The following NRG1 variants were observed in gnomAD, a reference collection of about 807,000 sequenced individuals.
NRG1 encodes the protein pro-neuregulin-1, membrane-bound isoform.
Under a neutral mutation model 63.8 loss-of-function variants are expected in NRG1, and 18 were observed. The observed-to-expected ratio is 0.28, with a 90% CI of 0.19 to 0.42. NRG1 has a LOEUF of 0.42. NRG1 is among the 10% of genes least tolerant of loss of function. The pLI is 1.00. For synonymous variants in NRG1, 302 were observed against 301.3 expected (o/e 1.00, Z -0.02); for missense variants, 762 against 814.7 (o/e 0.94, Z 0.79).
chr8:31,762,245 T>C (rs528972907), intron 1 of NRG1, among the ~76,000 whole-genome samples: 1 of 152,356 alleles, frequency 6.6e-6, no homozygotes, highest in Non-Finnish European at 1.5e-5. Context: ...CCTCTCTGTG[T>C]CCATGTATTC....
At chr8:31,670,057 T>C (rs963074181) in intron 1 of NRG1, among the ~76,000 whole-genome samples, 3 of 152,218 alleles carry the variant, frequency 2.0e-5, no homozygotes, top group African/African-American at 4.8e-5. Flanking sequence ...TAGGTCTCAG[T>C]TGTAGACTTA....
chr8:32,598,834 G>C (rs900797958), intron 2 of NRG1, among the ~76,000 whole-genome samples: 1 of 152,028 alleles, frequency 6.6e-6, no homozygotes, highest in Non-Finnish European at 1.5e-5. Context: ...AAGATTAAAG[G>C]TTCCAACTGA....
chr8:32,428,378 A>T (rs1049577610), intron 1 of NRG1, among the ~76,000 whole-genome samples: 4 of 151,996 alleles, frequency 2.6e-5, no homozygotes, highest in African/African-American at 9.7e-5. Context: ...TCCTCTTTAA[A>T]ACATCAGCCT....
chr8:31,970,892 CA>C (rs1418147976), intron 1 of NRG1, among the ~76,000 whole-genome samples: 3 of 152,018 alleles, frequency 2.0e-5, no homozygotes, highest in Non-Finnish European at 2.9e-5. Flanking sequence ...ACACCCATAT[CA>C]AAACAACTTG....
intron 1 of NRG1, among the ~76,000 whole-genome samples, chr8:31,772,551 G>T (rs1411254124): frequency 6.6e-6 from 1 of 151,944 alleles, no homozygotes; most frequent in Non-Finnish European, 1.5e-5. Flanking sequence ...AAATTGCCTT[G>T]GTCTTCTAGG....
At chr8:32,306,918 T>C (rs554616841) in intron 1 of NRG1, among the ~76,000 whole-genome samples, 1 of 152,324 alleles carries the variant, frequency 6.6e-6, no homozygotes, top group South Asian at 2.1e-4. Flanking sequence ...TTTTACAACT[T>C]AAATTTAATT....
chr8:32,334,762 T>A (rs1803051433), intron 1 of NRG1, among the ~76,000 whole-genome samples: 1 of 152,254 alleles, frequency 6.6e-6, no homozygotes, highest in Admixed American at 6.5e-5. Context: ...TTATTAATGT[T>A]TTGATACTGT....
At chr8:32,013,277 A>G (rs750310159) in intron 1 of NRG1, among the ~76,000 whole-genome samples, 2 of 152,026 alleles carry the variant, frequency 1.3e-5, no homozygotes, top group Non-Finnish European at 2.9e-5. Context: ...AAGAAATTTT[A>G]AATTAGTAAA....
At chr8:32,065,693 A>G (rs984209695) in intron 1 of NRG1, among the ~76,000 whole-genome samples, 3 of 152,154 alleles carry the variant, frequency 2.0e-5, no homozygotes, top group African/African-American at 7.2e-5. Flanking sequence ...TCCTTTGGGT[A>G]TATACCCAGT....
intron 1 of NRG1, among the ~76,000 whole-genome samples, chr8:31,999,542 G>A (rs1045968839): frequency 2.6e-5 from 4 of 151,820 alleles, no homozygotes; most frequent in African/African-American, 9.7e-5. Flanking sequence ...TAGACAGGAG[G>A]GATTGTGGCC....
intron 1 of NRG1, among the ~76,000 whole-genome samples, chr8:32,582,946 G>T (rs570389011): frequency 6.6e-6 from 1 of 152,060 alleles, no homozygotes; most frequent in Non-Finnish European, 1.5e-5. Context: ...GGCCTTCCTG[G>T]TGTCAGTCTG....
chr8:32,129,144 G>A (rs1834475980), intron 1 of NRG1, among the ~76,000 whole-genome samples: 1 of 151,898 alleles, frequency 6.6e-6, no homozygotes, highest in South Asian at 2.1e-4. Context: ...TGTAACTCTG[G>A]CAGCTAGCAC....
chr8:32,583,787 T>C (rs1167864971), intron 1 of NRG1, among the ~76,000 whole-genome samples: 1 of 152,212 alleles, frequency 6.6e-6, no homozygotes, highest in Non-Finnish European at 1.5e-5. Context: ...CATGATCTCA[T>C]TGTTCAGCAC....
intron 1 of NRG1, among the ~76,000 whole-genome samples, chr8:32,062,640 A>AT: frequency 6.6e-6 from 1 of 152,038 alleles, no homozygotes; most frequent in East Asian, 1.9e-4. Flanking sequence ...GAAGGGATTG[A>AT]TTTTATGGTA....
Position 32,226,759 on chromosome 8 carries a change from A to G in NRG1, c.38-369069A>G, listed in dbSNP as rs372371140. On this transcript the variant is annotated intron_variant, in intron 1 of 10. Transcript: ENST00000519301. ...ATGAGAATGGGAGAAATAATTTTGC[A>G]TGCAATTTTTTGTCATCTGGCTGCA... Among the ~76,000 whole-genome samples, 8 of 152,276 alleles carry G rather than the reference A, an allele frequency of 5.3e-5. No individual in the cohort carries two copies. In the East Asian group the frequency reaches 5.8e-4, roughly 11 times the overall value.
At chr8:31,992,929 G>C (rs1383638967) in intron 1 of NRG1, among the ~76,000 whole-genome samples, 1 of 151,896 alleles carries the variant, frequency 6.6e-6, no homozygotes, top group African/African-American at 2.4e-5. Flanking sequence ...ATAATAACAA[G>C]TTATGATCAT....
intron 1 of NRG1, among the ~76,000 whole-genome samples, chr8:32,415,617 A>G (rs1815787032): frequency 6.6e-6 from 1 of 152,178 alleles, no homozygotes; most frequent in South Asian, 2.1e-4. Flanking sequence ...TTGAGCATGA[A>G]TGCATAAGAC....
At chr8:31,721,512 C>T (rs746059828) in intron 1 of NRG1, among the ~76,000 whole-genome samples, 10 of 152,142 alleles carry the variant, frequency 6.6e-5, no homozygotes, top group Non-Finnish European at 1.5e-4. Context: ...AATGTTTTCA[C>T]GTTTGAGAGC....
In NRG1 at chr8:32,337,653, C is replaced by CGAAAAAAAA. The variant is rs1803452831; in HGVS notation, c.38-258175_38-258174insGAAAAAAAA. Reference sequence around the variant, plus strand: ...GCTGAAGGAACAAAAAGAGTTATTGCAAAAAAAAAAAAAAAAAAAAAAAAA... The same window carrying CGAAAAAAAA: ...GCTGAAGGAACAAAAAGAGTTATTGCGAAAAAAAAAAAAAAAAAAAAAAAAAAAAAAAAA... On this transcript the variant is annotated intron_variant, in intron 1 of 10. Coordinates refer to the NRG1 transcript ENST00000519301. Among the ~76,000 whole-genome samples, 3 of 24,700 alleles carry CGAAAAAAAA rather than the reference C, an allele frequency of 1.2e-4. 1 individual carries two copies. Among genetic ancestry groups the CGAAAAAAAA allele is most frequent in the African/African-American group, 4.4e-4 (3 of 6,786 alleles). The allele number at this position is 24,700 out of a possible 152,430, so 16.2% of individuals were successfully genotyped here. A position where few individuals can be genotyped will look rare whatever the true frequency, so the allele number is the denominator to read the frequency against.
Sources: allele counts gnomAD v4.1 joint callset (sites outside exome capture counted in the v4.1 genomes callset), GRCh38; gene constraint gnomAD v4.1.1; transcripts MANE v1.5; gene names NCBI Gene and HGNC (gene_info 2026-07-23, HGNC 2026-07-21).